The following BLTP1 variants were observed in gnomAD, a reference collection of about 807,000 sequenced individuals.
The protein encoded by BLTP1 is bridge-like lipid transfer protein family member 1, also known as fragile site-associated protein.
At chr4:122,247,772 A>C in the BLTP1 span, 1 of 1,002,212 alleles carries the variant, frequency 1.0e-6, no homozygotes, top group African/African-American at 1.7e-5. Flanking sequence ...GAGTCTGTAA[A>C]ATACAGCAGC....
chr4:122,157,709 G>C, the BLTP1 span, among the ~76,000 whole-genome samples: 1 of 152,208 alleles, frequency 6.6e-6, no homozygotes, highest in South Asian at 2.1e-4. Context: ...GGCTGGAAGG[G>C]TTTAATTCCA....
chr4:122,267,009 T>A, the BLTP1 span: 1 of 950,914 alleles, frequency 1.1e-6, no homozygotes, highest in Non-Finnish European at 1.5e-6. Flanking sequence ...ATAATACGTT[T>A]GTTTTTTAAC....
chr4:122,281,405 T>G, the BLTP1 span: 1 of 1,352,824 alleles, frequency 7.4e-7, no homozygotes, highest in Non-Finnish European at 9.5e-7. Context: ...CTGAATATGA[T>G]CTGATATTGG....
chr4:122,164,267 C>CA, the BLTP1 span, among the ~76,000 whole-genome samples: 1 of 151,996 alleles, frequency 6.6e-6, no homozygotes, highest in Non-Finnish European at 1.5e-5. Context: ...TGTGCTTAGG[C>CA]AAAAAAAGCC....
chr4:122,209,522 G>A, the BLTP1 span: 1 of 265,610 alleles, frequency 3.8e-6, no homozygotes. Context: ...GCGCATGCCT[G>A]TAGTCCTAGC....
chr4:122,174,309 G>C, the BLTP1 span: 1 of 984,714 alleles, frequency 1.0e-6, no homozygotes, highest in African/African-American at 1.7e-5. Flanking sequence ...ATAATTAAGG[G>C]AATTATCCAT....
the BLTP1 span, chr4:122,328,617 G>C: frequency 7.2e-6 from 7 of 976,346 alleles, no homozygotes; most frequent in African/African-American, 1.2e-4. Flanking sequence ...AAATAAAATG[G>C]AAATAAAGAT....
chr4:122,284,994 A>G, the BLTP1 span, among the ~76,000 whole-genome samples: 5 of 152,176 alleles, frequency 3.3e-5, no homozygotes, highest in African/African-American at 7.2e-5. Context: ...AGAACTTTCT[A>G]TTACCAGAAA....
chr4:122,221,890 A>G, the BLTP1 span: 11 of 984,276 alleles, frequency 1.1e-5, no homozygotes, highest in Middle Eastern at 5.2e-4. Context: ...TAGCCCTTCA[A>G]CTTTTAATCA....
chr4:122,289,165 G>A, the BLTP1 span: 1 of 1,608,856 alleles, frequency 6.2e-7, no homozygotes, highest in African/African-American at 1.3e-5. Flanking sequence ...CATGAAGGAA[G>A]TTAATGAAGT....
the BLTP1 span, chr4:122,236,917 C>T: frequency 2.0e-6 from 2 of 984,924 alleles, no homozygotes; most frequent in African/African-American, 3.5e-5. Flanking sequence ...GTTGAGTCTT[C>T]CAGGAATGGA....
At chr4:122,196,174 A>G in the BLTP1 span, among the ~76,000 whole-genome samples, 9 of 152,196 alleles carry the variant, frequency 5.9e-5, no homozygotes, top group South Asian at 2.1e-4. Context: ...TCCATGTGCC[A>G]TGCACTGCTA....
the BLTP1 span, chr4:122,336,892 C>T: frequency 6.3e-7 from 1 of 1,599,528 alleles, no homozygotes; most frequent in Non-Finnish European, 8.5e-7. Flanking sequence ...TGTCAGCTCA[C>T]AAGATGAAGA....
chr4:122,289,461 G>T, the BLTP1 span: 7 of 976,190 alleles, frequency 7.2e-6, no homozygotes, highest in Non-Finnish European at 8.5e-6. Flanking sequence ...CTTACAGTAT[G>T]TCTATTAACC....
chr4:122,331,422 C>T, the BLTP1 span: 1 of 1,612,000 alleles, frequency 6.2e-7, no homozygotes, highest in Non-Finnish European at 8.5e-7. Context: ...GTCTTAGTGG[C>T]ACAGCTACAG....
At chr4:122,220,437 A>C in the BLTP1 span, 3 of 1,611,996 alleles carry the variant, frequency 1.9e-6, no homozygotes, top group Non-Finnish European at 2.5e-6. Flanking sequence ...TTATCCTGTC[A>C]CCCCTGAATG....
At chr4:122,314,389 C>T in the BLTP1 span, among the ~76,000 whole-genome samples, 11 of 151,934 alleles carry the variant, frequency 7.2e-5, no homozygotes, top group African/African-American at 9.7e-5. Flanking sequence ...AGGCAAATGA[C>T]GACACTATCA....
the BLTP1 span, among the ~76,000 whole-genome samples, chr4:122,332,688 A>C: frequency 7.2e-6 from 1 of 139,836 alleles, no homozygotes; most frequent in Non-Finnish European, 1.5e-5. Context: ...TGTGCAGGTT[A>C]GTTACATATG....
the BLTP1 span, among the ~76,000 whole-genome samples, chr4:122,307,075 TG>T: frequency 0.29 from 44,566 of 151,912 alleles, 7,513 homozygotes; most frequent in East Asian, 0.44. Context: ...CCAAAGTAAT[TG>T]GGACAGGAAG....
Sources: allele counts gnomAD v4.1 joint callset (sites outside exome capture counted in the v4.1 genomes callset), GRCh38; gene constraint gnomAD v4.1.1; transcripts MANE v1.5; gene names NCBI Gene and HGNC (gene_info 2026-07-23, HGNC 2026-07-21).